The following POLH variants were observed in gnomAD, a reference collection of about 807,000 sequenced individuals.
POLH encodes DNA polymerase eta, also known as DNA polymerase eta transcript.
Under a neutral mutation model 73.6 loss-of-function variants are expected in POLH, and 53 were observed. The ratio of observed to expected loss-of-function variants is 0.72; its 90% CI spans 0.58 to 0.91. The LOEUF (loss-of-function observed/expected upper bound fraction) is 0.91. Among genes scored for constraint, POLH ranks in the 40% least tolerant of loss-of-function variants. The pLI is 0.00. For missense variants in POLH, 768 were observed against 865.4 expected, an observed-to-expected ratio of 0.89 and a Z score of 1.41; for synonymous variants, 292 against 308.5, an observed-to-expected ratio of 0.95 and a Z score of 0.56.
At chr6:43,596,850 A>T (rs9333539) in intron 4 of POLH, among the ~76,000 whole-genome samples, 2,840 of 152,294 alleles carry the variant, frequency 0.019, 35 homozygotes, top group South Asian at 0.041. Flanking sequence ...AGATATTTTC[A>T]AGGTCCTAAG....
rs764279428 is a variant in POLH, at chr6:43,613,918, T to A, written c.1503T>A (p.Leu501=). The A allele has an allele frequency of 1.2e-6, 2 of 1,613,872 alleles. No individual in the cohort carries two copies. Among genetic ancestry groups the A allele is most frequent in the Admixed American group, 3.3e-5 (2 of 60,020 alleles). ...QKVKEASLSS[L]TAPTQAPMSN... The stretch of plus-strand genomic sequence containing the variant: ...TTAAAGAAGCTTCGCTTTCATCTCT[T>A]ACTGCTCCCACTCAGGCTCCCATGA... Residue 501 remains leucine (L), a synonymous_variant, in exon 11 of 11, where the codon CTT becomes CTA. Transcript: ENST00000372236.
At chr6:43,611,784 G>T (rs1767907914) in intron 10 of POLH, among the ~76,000 whole-genome samples, 1 of 151,928 alleles carries the variant, frequency 6.6e-6, no homozygotes, top group Non-Finnish European at 1.5e-5. Flanking sequence ...GGCCGGGCGC[G>T]GTGGCTCACG....
chr6:43,620,337 T>C lies in POLH; in HGVS notation c.*5780T>C, dbSNP rs1768632221. On this transcript the variant is annotated 3_prime_UTR_variant, in exon 11 of 11. Coordinates refer to ENST00000372236, the MANE Select transcript of POLH (RefSeq NM_006502.3). ...TTACAATACTGGAACTCTGAACCTA[T>C]GTGGAGGAGAGAAAAACAATGGTGA... The C allele has an allele frequency of 3.9e-6, 2 of 510,594 alleles. No individual in the cohort carries two copies. Among genetic ancestry groups the C allele is most frequent in the Non-Finnish European group, 7.7e-6 (2 of 258,132 alleles). The allele number at this position is 510,594 out of a possible 1,614,324, so 31.6% of individuals were successfully genotyped here. A position where few individuals can be genotyped will look rare whatever the true frequency, so the allele number is the denominator to read the frequency against.
At chr6:43,582,967 A>G in intron 2 of POLH, 40 bp from the exon 3 acceptor site, 1 of 1,571,748 alleles carries the variant, frequency 6.4e-7, no homozygotes, top group Non-Finnish European at 8.7e-7. Flanking sequence ...GCTTGTGATC[A>G]TATAATATGT....
chr6:43,594,901 G>C (rs562286799), intron 4 of POLH, among the ~76,000 whole-genome samples: 2 of 123,772 alleles, frequency 1.6e-5, no homozygotes, highest in African/African-American at 6.0e-5. Context: ...ATACATGGTG[G>C]TTTACACCTG....
At chr6:43,578,112 C>T (rs1400433023) in intron 1 of POLH, among the ~76,000 whole-genome samples, 6 of 151,348 alleles carry the variant, frequency 4.0e-5, no homozygotes, top group East Asian at 3.9e-4. Flanking sequence ...CTAGGCCGAG[C>T]GCGATGGCTC....
chr6:43,600,747 T>C (rs1766650203), intron 5 of POLH, among the ~76,000 whole-genome samples: 1 of 152,158 alleles, frequency 6.6e-6, no homozygotes, highest in East Asian at 1.9e-4. Flanking sequence ...GAAAACAGAA[T>C]GGGAGAGATG....
intron 1 of POLH, among the ~76,000 whole-genome samples, chr6:43,579,144 C>T (rs564423857): frequency 6.6e-6 from 1 of 151,450 alleles, no homozygotes; most frequent in East Asian, 1.9e-4. Flanking sequence ...TGAAGCAAGC[C>T]TCAGAAAACA....
chr6:43,592,303 G>T (rs866494632), intron 4 of POLH, among the ~76,000 whole-genome samples: 1 of 151,896 alleles, frequency 6.6e-6, no homozygotes, highest in East Asian at 1.9e-4. Flanking sequence ...CGAGGTATTT[G>T]TAATACCTTG....
At chr6:43,588,979 G>A (rs1385016820) in intron 4 of POLH, among the ~76,000 whole-genome samples, 35 of 151,910 alleles carry the variant, frequency 2.3e-4, no homozygotes, top group Admixed American at 1.6e-3. Context: ...CTGGGATTAC[G>A]GGCGCCCGCC....
In POLH at chr6:43,618,946, A is replaced by AT. The variant is rs1768525220; in HGVS notation, c.*4393dup. ...AGGCCAGCCCCAACTTCTACTTTTT[A>AT]TTTTATTTATAAATTGGGGGGGGGG... On this transcript the variant is annotated 3_prime_UTR_variant, in exon 11 of 11. Coordinates refer to ENST00000372236, the MANE Select transcript of POLH (RefSeq NM_006502.3). Among the ~76,000 whole-genome samples, 1 of 132,984 alleles carries AT rather than the reference A, an allele frequency of 7.5e-6. No individual in the cohort carries two copies. Among genetic ancestry groups the AT allele is most frequent in the Non-Finnish European group, 1.6e-5 (1 of 62,858 alleles). 87.2% of individuals were successfully genotyped at this position (132,984 alleles called of 152,430 possible). A position where few individuals can be genotyped will look rare whatever the true frequency, so the allele number is the denominator to read the frequency against.
At chr6:43,581,784 C>T (rs1198005381) in intron 1 of POLH, among the ~76,000 whole-genome samples, 8 of 150,480 alleles carry the variant, frequency 5.3e-5, no homozygotes, top group East Asian at 1.9e-4. Context: ...TGCCCCGGGC[C>T]GCAGCGCAGC....
Position 43,614,638 on chromosome 6 carries a change from T to G in POLH, c.*81T>G. On this transcript the variant is annotated 3_prime_UTR_variant, in exon 11 of 11. Coordinates refer to ENST00000372236, the MANE Select transcript of POLH (RefSeq NM_006502.3). ...ATCTTTAATATTTTATCTTTACAGATTTCCCTGAGAAAGGGAATTATGAAA... is the reference window on the plus strand; with the variant it reads ...ATCTTTAATATTTTATCTTTACAGAGTTCCCTGAGAAAGGGAATTATGAAA... 1.6e-6 allele frequency: 2 copies of G among 1,268,660 alleles called. No homozygotes were observed. The highest frequency in any genetic ancestry group is 2.5e-5 in the East Asian group (1 of 40,546). The allele number at this position is 1,268,660 out of a possible 1,614,324, so 78.6% of individuals were successfully genotyped here.
At chr6:43,610,976 C>T (rs1767825686) in intron 10 of POLH, among the ~76,000 whole-genome samples, 1 of 152,292 alleles carries the variant, frequency 6.6e-6, no homozygotes, top group Middle Eastern at 3.4e-3. Flanking sequence ...CCTGTAATCC[C>T]AGCACTTTGG....
chr6:43,614,062 T>C lies in POLH; in HGVS notation c.1647T>C (p.Val549=). ...AGAAACAGCTTAATAATTCTTCAGT[T>C]TCTTCCCCCCAACAAAACCCATGGT... ...LKQKQLNNSS[V]SSPQQNPWSN... Residue 549 remains valine (V), a synonymous_variant, in exon 11 of 11, where the codon GTT becomes GTC. Coordinates refer to ENST00000372236, the MANE Select transcript of POLH (RefSeq NM_006502.3). 6.2e-7 allele frequency: 1 copy of C among 1,614,190 alleles called. No individual in the cohort carries two copies. The highest frequency in any genetic ancestry group is 8.5e-7 in the Non-Finnish European group (1 of 1,180,044).
At position 43,583,037 on chromosome 6, in the gene POLH, A is replaced by T. The variant is rs1245348611; in HGVS notation, c.168A>T (p.Ala56=). 4.3e-6 allele frequency: 7 copies of T among 1,613,716 alleles called. No homozygotes were observed. The highest frequency in any genetic ancestry group is 3.3e-5 in the Admixed American group (2 of 60,000). The part of the protein sequence containing the change: ...GIIAVSYEAR[A]FGVTRSMWAD... ...TTGCAGTGAGTTATGAAGCTCGTGC[A>T]TTTGGAGTCACTAGAAGTATGTGGG... Residue 56 remains alanine, a synonymous_variant, in exon 3 of 11, where the codon GCA becomes GCT. Coordinates refer to ENST00000372236, the MANE Select transcript of POLH (RefSeq NM_006502.3).
chr6:43,587,483 C>A lies in POLH; in HGVS notation c.484C>A (p.Gln162Lys). ...QGPTTAEETV[Q>K]KEGMRKQGLF... ...CCCTACAACGGCAGAAGAGACTGTTCAGAAAGGTACTTCCATAGCATCATA... is the reference window on the plus strand; with the variant it reads ...CCCTACAACGGCAGAAGAGACTGTTAAGAAAGGTACTTCCATAGCATCATA... The change falls in exon 4 of 11, where the codon CAG becomes AAG. Residue 162 changes from glutamine to lysine, a missense_variant. Gln to Lys is a moderately conservative substitution (Grantham distance 53). Coordinates refer to ENST00000372236, the MANE Select transcript of POLH (RefSeq NM_006502.3). The A allele has an allele frequency of 6.2e-7, 1 of 1,609,442 alleles. No individual in the cohort carries two copies. Among genetic ancestry groups the A allele is most frequent in the Non-Finnish European group, 8.5e-7 (1 of 1,175,668 alleles).
intron 9 of POLH, among the ~76,000 whole-genome samples, chr6:43,606,026 T>C (rs1767248504): frequency 6.6e-6 from 1 of 152,126 alleles, no homozygotes; most frequent in Non-Finnish European, 1.5e-5. Flanking sequence ...GCCCAGCCAG[T>C]AGTGGCAGTT....
At chr6:43,594,048 G>A (rs1275205608) in intron 4 of POLH, among the ~76,000 whole-genome samples, 7 of 152,050 alleles carry the variant, frequency 4.6e-5, no homozygotes, top group Admixed American at 4.6e-4. Context: ...AAAAAGCATT[G>A]TAGGGAAATA....
Sources: allele counts gnomAD v4.1 joint callset (sites outside exome capture counted in the v4.1 genomes callset), GRCh38; gene constraint gnomAD v4.1.1; transcripts MANE v1.5; gene names NCBI Gene and HGNC (gene_info 2026-07-23, HGNC 2026-07-21).